The following EDIL3 variants were observed in gnomAD, a reference collection of about 807,000 sequenced individuals.
EDIL3 encodes EGF like and discoidin domains 3, also known as EGF-like repeat and discoidin I-like domain-containing protein 3.
A neutral mutation model predicts 67.4 loss-of-function variants in EDIL3; 37 were observed. The observed-to-expected ratio is 0.55, with a 90% confidence interval of 0.42 to 0.72. The LOEUF is 0.72. Among genes scored for constraint, EDIL3 ranks in the 30% least tolerant of loss-of-function variants. The pLI is 0.00. For missense variants in EDIL3, 527 were observed against 586.3 expected, an observed-to-expected ratio of 0.90 and a Z score of 1.04; for synonymous variants, 195 against 196.3, an observed-to-expected ratio of 0.99 and a Z score of 0.05.
intron 4 of EDIL3, among the ~76,000 whole-genome samples, chr5:84,145,695 C>T (rs556709683): frequency 1.8e-4 from 27 of 152,020 alleles, no homozygotes; most frequent in East Asian, 3.9e-4. Context: ...TAGCTTGGTT[C>T]GAAATGTATA....
At chr5:84,157,407 A>G (rs16900930) in intron 4 of EDIL3, among the ~76,000 whole-genome samples, 4,611 of 152,164 alleles carry the variant, frequency 0.03, 216 homozygotes, top group African/African-American at 0.1. Flanking sequence ...CCAGTAAATA[A>G]TATTTAAGCT....
intron 6 of EDIL3, among the ~76,000 whole-genome samples, chr5:84,071,419 G>C (rs1304575989): frequency 6.6e-6 from 1 of 152,202 alleles, no homozygotes; most frequent in African/African-American, 2.4e-5. Context: ...ATGGAGAACA[G>C]ATTCAGACTT....
intron 4 of EDIL3, among the ~76,000 whole-genome samples, chr5:84,169,645 T>C (rs1748777251): frequency 6.6e-6 from 1 of 150,486 alleles, no homozygotes; most frequent in African/African-American, 2.4e-5. Context: ...GTATGTATTC[T>C]CTTGGGATTG....
chr5:84,207,861 TG>T (rs1277178327), intron 3 of EDIL3, among the ~76,000 whole-genome samples: 2 of 151,934 alleles, frequency 1.3e-5, no homozygotes, highest in African/African-American at 4.8e-5. Context: ...AAGCTGAAAC[TG>T]GATCCCTTCC....
intron 4 of EDIL3, among the ~76,000 whole-genome samples, chr5:84,146,237 T>C (rs1162106081): frequency 6.6e-6 from 1 of 152,104 alleles, no homozygotes; most frequent in East Asian, 1.9e-4. Flanking sequence ...ATGTTATTAT[T>C]ATTATGCCTG....
intron 1 of EDIL3, among the ~76,000 whole-genome samples, chr5:84,291,784 GATATATACACACACAT>G (rs771766969): frequency 5.8e-4 from 83 of 142,506 alleles, no homozygotes; most frequent in African/African-American, 7.5e-4. Context: ...ATCATATACA[GATATATACACACACAT>G]ATATATACAC....
chr5:84,322,064 TATAATA>T lies in EDIL3; in HGVS notation c.67+62238_67+62243del, dbSNP rs531147730. 7.3e-5 allele frequency among the ~76,000 whole-genome samples: 11 copies of T among 150,382 alleles called. No individual in the cohort carries two copies. In the East Asian group the frequency reaches 9.7e-4, roughly 13 times the overall value. On this transcript the variant is annotated intron_variant, in intron 1 of 10. Coordinates refer to ENST00000296591, the MANE Select transcript of EDIL3 (RefSeq NM_005711.5). Reference sequence around the variant, plus strand: ...CATGAAAATTAAACAATAATAATGATATAATAATAATAATAATAATAAGCAAAACAC... The same window carrying T: ...CATGAAAATTAAACAATAATAATGATATAATAATAATAATAAGCAAAACAC...
At chr5:84,268,053 C>T (rs530330327) in intron 1 of EDIL3, among the ~76,000 whole-genome samples, 7 of 152,248 alleles carry the variant, frequency 4.6e-5, no homozygotes, top group Admixed American at 2.6e-4. Context: ...AGGAGAATTG[C>T]TTGAACCCGG....
intron 1 of EDIL3, among the ~76,000 whole-genome samples, chr5:84,275,695 T>C (rs569805637): frequency 4.6e-5 from 7 of 152,320 alleles, no homozygotes; most frequent in Admixed American, 2.0e-4. Flanking sequence ...TCTAGAATAC[T>C]TGCAGCTCAA....
At chr5:84,243,372 T>C (rs757495648) in intron 2 of EDIL3, among the ~76,000 whole-genome samples, 2 of 152,226 alleles carry the variant, frequency 1.3e-5, no homozygotes, top group Non-Finnish European at 2.9e-5. Flanking sequence ...CCAGAGGCTG[T>C]GCTGTGATGC....
Position 83,967,974 on chromosome 5 carries a change from G to C in EDIL3, c.1138-4614C>G, listed in dbSNP as rs183130212. On this transcript the variant is annotated intron_variant, in intron 9 of 10. Transcript: ENST00000296591. The stretch of plus-strand genomic sequence containing the variant: ...AGTTTGTAAAATTAACTCATTAAAC[G>C]GAAATGACTTTGAAGCTAATATGGT... 3.7e-3 allele frequency among the ~76,000 whole-genome samples: 570 copies of C among 152,138 alleles called. 2 individuals carry two copies. The highest frequency in any genetic ancestry group is 0.013 in the African/African-American group (553 of 41,538).
rs571729855 is a variant in EDIL3, at chr5:83,996,513, G to A, written c.1138-33153C>T. 3.9e-5 allele frequency among the ~76,000 whole-genome samples: 6 copies of A among 152,276 alleles called. No homozygotes were observed. The East Asian group carries it at 9.7e-4, about 25-fold the overall frequency. ...GTTCTTTGAGCAAGAAGCAGACATA[G>A]CAACAGTGACAGTATGGAGGAATGT... On this transcript the variant is annotated intron_variant, in intron 9 of 10. Coordinates refer to ENST00000296591, the MANE Select transcript of EDIL3 (RefSeq NM_005711.5).
At chr5:84,021,720 C>T (rs1745719997) in intron 9 of EDIL3, among the ~76,000 whole-genome samples, 1 of 151,820 alleles carries the variant, frequency 6.6e-6, no homozygotes, top group African/African-American at 2.4e-5. Context: ...GTCCATTTGG[C>T]CTAAGTCAGC....
At chr5:83,981,580 CTATA>C (rs1744970732) in intron 9 of EDIL3, among the ~76,000 whole-genome samples, 1 of 151,944 alleles carries the variant, frequency 6.6e-6, no homozygotes, top group South Asian at 2.1e-4. Context: ...AACACTGACA[CTATA>C]TATTTAGTTT....
chr5:84,258,964 T>C (rs1265232173), intron 1 of EDIL3, among the ~76,000 whole-genome samples: 3 of 142,322 alleles, frequency 2.1e-5, no homozygotes, highest in Non-Finnish European at 4.5e-5. Context: ...GATATGTTCG[T>C]AGAGTCTTTT....
chr5:84,155,684 A>C (rs1748478488), intron 4 of EDIL3, among the ~76,000 whole-genome samples: 1 of 152,202 alleles, frequency 6.6e-6, no homozygotes, highest in Non-Finnish European at 1.5e-5. Context: ...TTTAAAAATA[A>C]GTTCTCCAAT....
intron 4 of EDIL3, among the ~76,000 whole-genome samples, chr5:84,178,701 G>A (rs1748963232): frequency 6.6e-6 from 1 of 152,114 alleles, no homozygotes; most frequent in African/African-American, 2.4e-5. Context: ...TAAAGGTCAG[G>A]TCTCAAATCT....
chr5:84,256,818 C>CA (rs376706504), intron 1 of EDIL3, among the ~76,000 whole-genome samples: 24 of 151,690 alleles, frequency 1.6e-4, no homozygotes, highest in Admixed American at 7.2e-4. Context: ...GAAGTAGTCT[C>CA]AAAAAAAATG....
intron 3 of EDIL3, among the ~76,000 whole-genome samples, chr5:84,210,430 C>G (rs900993991): frequency 5.9e-5 from 9 of 151,814 alleles, no homozygotes; most frequent in African/African-American, 2.2e-4. Context: ...GTTGGACAAA[C>G]TGTATAACAT....
Sources: gnomAD v4.1 joint callset for allele counts (sites outside exome capture counted in the v4.1 genomes callset) on GRCh38, gnomAD v4.1.1 for gene constraint, MANE v1.5 for transcripts, NCBI Gene and HGNC (gene_info 2026-07-23, HGNC 2026-07-21) for gene names.